KIAA1549L: variants seen among roughly 807,000 people sequenced by gnomAD.
KIAA1549L encodes the protein UPF0606 protein KIAA1549L.
In KIAA1549L, 88 loss-of-function variants were observed where a neutral mutation model predicts 160.7. The observed-to-expected ratio is 0.55, with a 90% CI of 0.46 to 0.65. The LOEUF (loss-of-function observed/expected upper bound fraction) is 0.65. KIAA1549L is among the 30% of genes least tolerant of loss of function. The probability of loss-of-function intolerance (pLI) is 0.00; values close to 1 mark genes in which losing one functional copy is unlikely to be tolerated. For synonymous variants in KIAA1549L, 950 were observed against 976.7 expected, an observed-to-expected ratio of 0.97 and a Z score of 0.51; for missense variants, 2,258 against 2,437.5, an observed-to-expected ratio of 0.93 and a Z score of 1.55.
intron 15 of KIAA1549L, among the ~76,000 whole-genome samples, chr11:33,612,118 C>G (rs1850663290): frequency 6.6e-6 from 1 of 152,162 alleles, no homozygotes; most frequent in Admixed American, 6.5e-5. Flanking sequence ...GAGCCATAAA[C>G]TGGGTGAGCT....
Position 33,591,403 on chromosome 11 carries a change from C to A in KIAA1549L, c.4733C>A (p.Ser1578Tyr), listed in dbSNP as rs370234688. The change falls in exon 12 of 21, where the codon TCC becomes TAC. Residue 1578 changes from serine to tyrosine, a missense_variant. Physicochemically the swap from Ser to Tyr is moderately radical, Grantham distance 144. Coordinates refer to ENST00000658780, the MANE Select transcript of KIAA1549L (RefSeq NM_012194.3). ...GGAAGCACCATCAAGACCGCCAAAT[C>A]CACTGAAACCAGGAAGAGGTAGGCA... is the stretch of plus-strand genomic sequence containing the variant. The part of the protein sequence containing the change: ...QDGSTIKTAK[S>Y]TETRKSRSPS... 5.2e-5 allele frequency: 84 copies of A among 1,604,692 alleles called. No homozygotes were observed. The highest frequency in any genetic ancestry group is 7.2e-5 in the Non-Finnish European group (84 of 1,172,844).
chr11:33,448,062 T>A (rs1278313916), intron 1 of KIAA1549L, among the ~76,000 whole-genome samples: 3 of 151,526 alleles, frequency 2.0e-5, no homozygotes, highest in Non-Finnish European at 4.4e-5. Context: ...CAATAACTTA[T>A]TTTTTTTAAT....
In KIAA1549L at chr11:33,658,784, G is replaced by T. The variant is rs1259350866; in HGVS notation, c.5893G>T (p.Ala1965Ser). 6.4e-7 allele frequency: 1 copy of T among 1,570,304 alleles called. No homozygotes were observed. The highest frequency in any genetic ancestry group is 1.8e-5 in the Admixed American group (1 of 54,350). The change falls in exon 19 of 21, where the codon GCC becomes TCC. Residue 1965 changes from alanine to serine, a missense_variant. By Grantham distance (99) the Ala-to-Ser change is moderately conservative (BLOSUM62 1). Transcript: ENST00000658780. ...AGACATCGGCAGCAAGACCAGAATG[G>T]CCGAGTCTACAGGGCCCGAGCCGGC... ...TSDIGSKTRM[A>S]ESTGPEPAQL...
chr11:33,466,053 A>T (rs1852051123), intron 1 of KIAA1549L, among the ~76,000 whole-genome samples: 2 of 152,216 alleles, frequency 1.3e-5, no homozygotes, highest in African/African-American at 4.8e-5. Flanking sequence ...TCTCATCTCC[A>T]TACATTGTAG....
chr11:33,509,358 T>C (rs1426796462), intron 1 of KIAA1549L, among the ~76,000 whole-genome samples: 1 of 152,188 alleles, frequency 6.6e-6, no homozygotes, highest in Non-Finnish European at 1.5e-5. Context: ...CATTCCTTAC[T>C]CCATTACCAA....
rs142841931 is a variant in KIAA1549L at position 33,430,939 on chromosome 11, C to T, written c.238+54050C>T. On this transcript the variant is annotated intron_variant, in intron 1 of 20. Coordinates refer to ENST00000658780, the MANE Select transcript of KIAA1549L (RefSeq NM_012194.3). The stretch of plus-strand genomic sequence containing the variant: ...TTCCAAGAATGAAGCCGTGGACCCT[C>T]GCGGTGAGTGTTACAGCTCTTAAGG... Among the ~76,000 whole-genome samples, 1,076 of 152,266 alleles carry T rather than the reference C, an allele frequency of 7.1e-3. 15 individuals are homozygous for T. The highest frequency in any genetic ancestry group is 0.025 in the African/African-American group (1,036 of 41,544).
In KIAA1549L at chr11:33,668,133, C is replaced by T. The variant is rs1321744091; in HGVS notation, c.6420C>T (p.Asp2140=). ...CCAAGCTGGCCAAAAAACAGACAGACATGTTTGAGTTCCAGGTCTAACGCC... is the reference window on the plus strand; with the variant it reads ...CCAAGCTGGCCAAAAAACAGACAGATATGTTTGAGTTCCAGGTCTAACGCC... The part of the protein sequence containing the change: ...EVAKLAKKQT[D]MFEFQV The change falls in exon 21 of 21, where the codon GAC becomes GAT. Residue 2140 remains aspartate (D), a synonymous_variant. Coordinates refer to ENST00000658780, the MANE Select transcript of KIAA1549L (RefSeq NM_012194.3). The T allele has an allele frequency of 1.2e-6, 2 of 1,613,582 alleles. No individual in the cohort carries two copies. The highest frequency in any genetic ancestry group is 2.2e-5 in the East Asian group (1 of 44,898).
chr11:33,433,157 A>G (rs941899425), intron 1 of KIAA1549L, among the ~76,000 whole-genome samples: 2 of 152,230 alleles, frequency 1.3e-5, no homozygotes, highest in African/African-American at 4.8e-5. Flanking sequence ...TAGGCAACCT[A>G]CAGAATAGGA....
chr11:33,641,016 A>C (rs377485391), intron 16 of KIAA1549L, among the ~76,000 whole-genome samples: 2 of 152,334 alleles, frequency 1.3e-5, no homozygotes, highest in East Asian at 3.9e-4. Flanking sequence ...TTTGTCAAAT[A>C]AAAGCAAAAG....
At chr11:33,435,798 ATATATATATATATGTG>A (rs1443579385) in intron 1 of KIAA1549L, among the ~76,000 whole-genome samples, 14 of 7,600 alleles carry the variant, frequency 1.8e-3, no homozygotes, top group South Asian at 4.9e-3. Context: ...ATATATATAT[ATATATATATATATGTG>A]TGTGTATATA....
intron 1 of KIAA1549L, among the ~76,000 whole-genome samples, chr11:33,433,349 C>A (rs369622196): frequency 6.6e-6 from 1 of 152,288 alleles, no homozygotes; most frequent in Middle Eastern, 3.4e-3. Context: ...AAAGGCTCAA[C>A]GTCACTGATC....
intron 1 of KIAA1549L, among the ~76,000 whole-genome samples, chr11:33,435,820 A>ATATATATATATG (rs1851362765): frequency 4.5e-5 from 2 of 44,766 alleles, no homozygotes; most frequent in African/African-American, 3.0e-4. Flanking sequence ...ATGTGTGTGT[A>ATATATATATATG]TATATATATA....
chr11:33,576,028 G>A (rs1251614373), intron 10 of KIAA1549L, among the ~76,000 whole-genome samples: 1 of 152,154 alleles, frequency 6.6e-6, no homozygotes, highest in Non-Finnish European at 1.5e-5. Flanking sequence ...AGGCTCTGTG[G>A]CGTCCCAGGC....
chr11:33,651,243 C>A (rs1399447108), intron 17 of KIAA1549L, among the ~76,000 whole-genome samples: 16 of 152,116 alleles, frequency 1.1e-4, no homozygotes, highest in Admixed American at 5.2e-4. Flanking sequence ...GCAAGACCAG[C>A]CTGGCCAACA....
At position 33,542,947 on chromosome 11, in the gene KIAA1549L, C is replaced by T; in HGVS notation, c.1384C>T (p.Leu462Phe). ...TCCAGAGAATTCCAGAGGGCCCGCC[C>T]TTTCGGCAGAACACACCTCTTCTTT... ...AAPENSRGPA[L>F]SAEHTSSLVP... Residue 462 changes from leucine (L) to phenylalanine (F), a missense_variant, in exon 2 of 21, where the codon CTT becomes TTT. Leu to Phe is a conservative substitution (Grantham distance 22). Transcript: ENST00000658780. 6.2e-7 allele frequency: 1 copy of T among 1,614,082 alleles called. No individual in the cohort carries two copies. Among genetic ancestry groups the T allele is most frequent in the African/African-American group, 1.3e-5 (1 of 75,078 alleles).
intron 12 of KIAA1549L, among the ~76,000 whole-genome samples, chr11:33,596,335 T>C (rs767853284): frequency 6.6e-6 from 1 of 151,968 alleles, no homozygotes; most frequent in Non-Finnish European, 1.5e-5. Context: ...TAAAGCAGAG[T>C]TGGGTTTTGC....
intron 1 of KIAA1549L, among the ~76,000 whole-genome samples, chr11:33,513,106 A>G (rs576057399): frequency 1.4e-4 from 21 of 152,310 alleles, no homozygotes; most frequent in Non-Finnish European, 2.4e-4. Context: ...CTCTCCACAC[A>G]GTGGTCAGGA....
intron 18 of KIAA1549L, among the ~76,000 whole-genome samples, chr11:33,657,361 C>T (rs529306679): frequency 1.3e-5 from 2 of 152,174 alleles, no homozygotes; most frequent in Non-Finnish European, 2.9e-5. Flanking sequence ...TCCCAGGCCC[C>T]TCCACGCCAT....
chr11:33,412,552 A>G (rs1363916986), intron 1 of KIAA1549L, among the ~76,000 whole-genome samples: 1 of 152,222 alleles, frequency 6.6e-6, no homozygotes, highest in East Asian at 1.9e-4. Context: ...GTATTGAGGT[A>G]CACAGTGATA....
Sources: allele counts gnomAD v4.1 joint callset (sites outside exome capture counted in the v4.1 genomes callset), GRCh38; gene constraint gnomAD v4.1.1; transcripts MANE v1.5; gene names NCBI Gene and HGNC (gene_info 2026-07-23, HGNC 2026-07-21).